OCA2: variants seen among roughly 807,000 people sequenced by gnomAD.
OCA2 encodes P protein.
In OCA2, 77 loss-of-function variants were observed where a neutral mutation model predicts 100.2. The observed-to-expected ratio is 0.77, with a 90% CI of 0.64 to 0.93. OCA2 has a LOEUF of 0.93. Ranked by LOEUF, OCA2 falls within the 40% of genes least tolerant of loss-of-function variation. OCA2 has a pLI of 0.00. For synonymous variants in OCA2, 432 were observed against 439.2 expected (o/e 0.98, Z 0.21); for missense variants, 1,062 against 1,089.1 (o/e 0.98, Z 0.35).
the OCA2 span, among the ~76,000 whole-genome samples, chr15:27,746,372 A>G: frequency 6.6e-6 from 1 of 152,104 alleles, no homozygotes; most frequent in African/African-American, 2.4e-5. Context: ...GAAACAGGAG[A>G]ATTACTTGAA....
chr15:28,070,146 T>A (rs1169973300), intron 2 of OCA2, among the ~76,000 whole-genome samples: 1 of 113,716 alleles, frequency 8.8e-6, no homozygotes, highest in Non-Finnish European at 1.6e-5. Flanking sequence ...GTCTGAGAAG[T>A]GAGGAGACCC....
chr15:27,936,720 T>G (rs1415812698), intron 18 of OCA2, among the ~76,000 whole-genome samples: 1 of 152,104 alleles, frequency 6.6e-6, no homozygotes, highest in Non-Finnish European at 1.5e-5. Context: ...GAGCTCCAGA[T>G]CTGCCCTCTC....
chr15:27,861,814 G>A (rs375401836), intron 21 of OCA2, among the ~76,000 whole-genome samples: 27 of 152,280 alleles, frequency 1.8e-4, no homozygotes, highest in African/African-American at 6.5e-4. Flanking sequence ...GGGGAGTGGC[G>A]GGAAGGCCTG....
At chr15:27,831,399 G>C (rs1003302394) in intron 23 of OCA2, among the ~76,000 whole-genome samples, 1 of 151,960 alleles carries the variant, frequency 6.6e-6, no homozygotes, top group African/African-American at 2.4e-5. Flanking sequence ...AATTTCCAGG[G>C]AACACAGAGC....
intron 23 of OCA2, among the ~76,000 whole-genome samples, chr15:27,771,695 A>AT (rs534942092): frequency 4.6e-4 from 70 of 152,174 alleles, no homozygotes; most frequent in African/African-American, 8.2e-4. Flanking sequence ...TGAAATCTGT[A>AT]TTTTTTTTAT....
At chr15:27,922,680 G>GTGTGTGTGTGT (rs61038958) in intron 19 of OCA2, among the ~76,000 whole-genome samples, 95 of 147,206 alleles carry the variant, frequency 6.5e-4, no homozygotes, top group Middle Eastern at 7.2e-3. Context: ...TTTTGTTTGG[G>GTGTGTGTGTGT]GTGTGTGTGT....
intron 14 of OCA2, among the ~76,000 whole-genome samples, chr15:27,975,830 T>C (rs1245643962): frequency 1.3e-5 from 2 of 152,214 alleles, no homozygotes; most frequent in East Asian, 1.9e-4. Flanking sequence ...AAACCTGCTA[T>C]AGTTTTGATG....
At chr15:28,053,943 C>A (rs1010303572) in intron 2 of OCA2, among the ~76,000 whole-genome samples, 3 of 152,176 alleles carry the variant, frequency 2.0e-5, no homozygotes, top group Admixed American at 6.5e-5. Context: ...TGGCTCACCC[C>A]CTTCTAAACT....
chr15:27,834,156 T>C (rs2035061999), intron 23 of OCA2, among the ~76,000 whole-genome samples: 1 of 152,028 alleles, frequency 6.6e-6, no homozygotes, highest in African/African-American at 2.4e-5. Context: ...CCCACACCAA[T>C]CCTCAGGGAG....
At chr15:27,926,401 G>A in intron 18 of OCA2, 147 bp from the exon 19 acceptor site, 1 of 882,560 alleles carries the variant, frequency 1.1e-6, no homozygotes, top group Non-Finnish European at 1.8e-6. Context: ...ATTTCTATTT[G>A]GTTATGTGTA....
chr15:27,867,073 A>T (rs2036355886), intron 21 of OCA2, among the ~76,000 whole-genome samples: 1 of 152,234 alleles, frequency 6.6e-6, no homozygotes. Flanking sequence ...GCAGTTGAGA[A>T]ATTCTCAGAA....
rs549783952 is a variant in OCA2 at position 27,859,820 on chromosome 15, A to G, written c.2245-8345T>C. Among the ~76,000 whole-genome samples the G allele has an allele frequency of 1.3e-4, 20 of 152,300 alleles. 1 individual carries two copies. In the South Asian group the frequency reaches 3.3e-3, roughly 25 times the overall value. On this transcript the variant is annotated intron_variant, in intron 21 of 23. Coordinates refer to ENST00000354638, the MANE Select transcript of OCA2 (RefSeq NM_000275.3). ...CGGAAGGAAGCCATTGCCTCCACAA[A>G]CATGACATCGATGGAAAGACCCCAG...
At chr15:28,033,911 T>C (rs2042977443) in intron 2 of OCA2, among the ~76,000 whole-genome samples, 1 of 151,956 alleles carries the variant, frequency 6.6e-6, no homozygotes. Context: ...CTCCCTGGGG[T>C]GGTCTAGGGG....
chr15:27,913,838 G>GAAAGAAAGGAAA (rs1555430803), intron 19 of OCA2, among the ~76,000 whole-genome samples: 1 of 37,062 alleles, frequency 2.7e-5, no homozygotes. Context: ...AAGAAAGAAA[G>GAAAGAAAGGAAA]GAAAGAAAGA....
At chr15:27,935,682 C>T (rs2039426089) in intron 18 of OCA2, among the ~76,000 whole-genome samples, 1 of 152,242 alleles carries the variant, frequency 6.6e-6, no homozygotes, top group South Asian at 2.1e-4. Context: ...CTGATATGCT[C>T]AGGCTTCTGA....
the OCA2 span, among the ~76,000 whole-genome samples, chr15:27,742,811 G>A: frequency 6.6e-6 from 1 of 152,120 alleles, no homozygotes; most frequent in East Asian, 1.9e-4. Context: ...CATACATAAG[G>A]CCCTCTGAGA....
intron 19 of OCA2, among the ~76,000 whole-genome samples, chr15:27,923,495 CTCT>C (rs1043192328): frequency 7.2e-5 from 11 of 152,286 alleles, no homozygotes; most frequent in African/African-American, 2.4e-4. Context: ...TATAAGTGAT[CTCT>C]TTTCTCTGCA....
At position 27,966,785 on chromosome 15, in the gene OCA2, A is replaced by C. The variant is rs142152913; in HGVS notation, c.1541T>G (p.Ile514Ser). 5 of 1,613,104 alleles carry C rather than the reference A, an allele frequency of 3.1e-6. No individual in the cohort carries two copies. In the African/African-American group the frequency reaches 6.7e-5, roughly 22 times the overall value. Residue 514 changes from isoleucine (I) to serine (S), a missense_variant, in exon 15 of 24, where the codon ATT becomes AGT. By Grantham distance (142) the Ile-to-Ser change is moderately radical (BLOSUM62 -2). Coordinates refer to ENST00000354638, the MANE Select transcript of OCA2 (RefSeq NM_000275.3). ...DFAGFTAHMF[I>S]GICLVLLVCF... is the part of the protein sequence containing the mutation. ...GACCAGGAGAACAAGGCAAATCCCA[A>C]TGAACATGTGTGCAGTGAATCCGGC... is the stretch of plus-strand genomic sequence containing the variant.
At chr15:27,966,897 AGGTG>A in intron 14 of OCA2, 75 bp from the exon 15 acceptor site, 2 of 1,500,216 alleles carry the variant, frequency 1.3e-6, no homozygotes. Flanking sequence ...GCACTTTCCG[AGGTG>A]GGTGGATCAC....
Sources: allele counts gnomAD v4.1 joint callset (sites outside exome capture counted in the v4.1 genomes callset), GRCh38; gene constraint gnomAD v4.1.1; transcripts MANE v1.5; gene names NCBI Gene and HGNC (gene_info 2026-07-23, HGNC 2026-07-21).